Variants in RTN4 observed in about 807,000 individuals in gnomAD.
RTN4 encodes the protein reticulon 4, also known as reticulon-4.
RTN4 carries 32 observed loss-of-function variants against 90.4 expected under a neutral mutation model. The ratio of observed to expected loss-of-function variants is 0.35; its 90% confidence interval spans 0.27 to 0.48. The LOEUF is 0.48. Ranked by LOEUF, RTN4 falls within the 20% of genes least tolerant of loss-of-function variation. RTN4 has a pLI of 0.99. For synonymous variants in RTN4, 629 were observed against 552.5 expected, an observed-to-expected ratio of 1.14 and a Z score of -1.94; for missense variants, 1,706 against 1,430.2, an observed-to-expected ratio of 1.19 and a Z score of -3.11.
At chr2:55,070,748 T>TTG (rs1553450021) in intron 2 of RTN4, among the ~76,000 whole-genome samples, 1 of 149,416 alleles carries the variant, frequency 6.7e-6, no homozygotes, top group South Asian at 2.1e-4. Context: ...TGTTTTGATT[T>TTG]TTGTTGTTGT....
At chr2:55,097,046 T>G (rs977574944) in intron 1 of RTN4, among the ~76,000 whole-genome samples, 6 of 151,610 alleles carry the variant, frequency 4.0e-5, no homozygotes, top group African/African-American at 1.2e-4. Flanking sequence ...ACTAAGATAG[T>G]GATATCTGAG....
chr2:55,002,679 G>A (rs1371898527), intron 3 of RTN4, among the ~76,000 whole-genome samples: 5 of 152,090 alleles, frequency 3.3e-5, no homozygotes, highest in Non-Finnish European at 7.4e-5. Context: ...TCTCTTTACA[G>A]AATAATCCTA....
intron 2 of RTN4, among the ~76,000 whole-genome samples, chr2:55,064,535 G>C (rs11674808): frequency 0.31 from 47,285 of 151,838 alleles, 8,629 homozygotes; most frequent in East Asian, 0.59. Flanking sequence ...ATTTTTAGCA[G>C]AGATGGGGTT....
chr2:55,071,502 A>G (rs2105017139), intron 2 of RTN4, among the ~76,000 whole-genome samples: 1 of 149,542 alleles, frequency 6.7e-6, no homozygotes, highest in African/African-American at 2.5e-5. Context: ...CTAACTACAT[A>G]GAATTTGTGT....
At chr2:55,012,025 T>C (rs751518246) in intron 3 of RTN4, among the ~76,000 whole-genome samples, 1 of 152,160 alleles carries the variant, frequency 6.6e-6, no homozygotes, top group Non-Finnish European at 1.5e-5. Context: ...ATACTGACTT[T>C]CTAATAACAA....
intron 1 of RTN4, among the ~76,000 whole-genome samples, chr2:55,032,279 A>G (rs929648043): frequency 6.6e-6 from 1 of 152,108 alleles, no homozygotes; most frequent in African/African-American, 2.4e-5. Flanking sequence ...GGGGTTCACT[A>G]CGTTGGCCAA....
chr2:54,973,720 C>T lies in RTN4; in HGVS notation c.3478-99G>A, dbSNP rs1468416152. On this transcript the variant is annotated intron_variant, in intron 7 of 8. Coordinates refer to ENST00000337526, the MANE Select transcript of RTN4 (RefSeq NM_020532.5). ...AGGCTTAAGAAACCATCACACTTCT[C>T]ATTTTTGTAAGACATTGAAAATGGG... is the stretch of plus-strand genomic sequence containing the variant. 2.7e-6 allele frequency: 4 copies of T among 1,496,084 alleles called. No homozygotes were observed. In the African/African-American group the frequency reaches 4.2e-5, roughly 16 times the overall value. 92.7% of individuals were successfully genotyped at this position (1,496,084 alleles called of 1,614,324 possible). A position where few individuals can be genotyped will look rare whatever the true frequency, so the allele number is the denominator to read the frequency against.
intron 1 of RTN4, among the ~76,000 whole-genome samples, chr2:55,106,739 C>CA (rs1558882643): frequency 1.3e-5 from 2 of 152,084 alleles, no homozygotes; most frequent in Non-Finnish European, 2.9e-5. Flanking sequence ...AGGCTGGTCT[C>CA]GAACACCTGA....
At chr2:55,063,754 G>A (rs1445310269) in intron 2 of RTN4, among the ~76,000 whole-genome samples, 7 of 151,946 alleles carry the variant, frequency 4.6e-5, no homozygotes, top group East Asian at 3.9e-4. Context: ...GGTGGTGGGC[G>A]CCTGTAGTCC....
chr2:55,070,917 C>A (rs1408242884), intron 2 of RTN4, among the ~76,000 whole-genome samples: 1 of 151,898 alleles, frequency 6.6e-6, no homozygotes, highest in Non-Finnish European at 1.5e-5. Context: ...GCTGGGACTA[C>A]AGGTGCCCAC....
upstream of RTN4, among the ~76,000 whole-genome samples, chr2:55,053,228 T>C (rs1468939781): frequency 1.3e-5 from 2 of 152,208 alleles, no homozygotes; most frequent in Non-Finnish European, 2.9e-5. Flanking sequence ...CTGTTGCTGC[T>C]CTACCACAAT....
chr2:55,114,482 T>C (rs1668089993), upstream of RTN4, among the ~76,000 whole-genome samples: 2 of 152,184 alleles, frequency 1.3e-5, no homozygotes, highest in African/African-American at 4.8e-5. Context: ...GTGGATTACT[T>C]GAGGTCAGGA....
At chr2:55,102,529 GA>G (rs1667869780) in intron 1 of RTN4, among the ~76,000 whole-genome samples, 1 of 151,922 alleles carries the variant, frequency 6.6e-6, no homozygotes, top group African/African-American at 2.4e-5. Flanking sequence ...TTTTTCTTTT[GA>G]TTTTTTTTTA....
intron 2 of RTN4, among the ~76,000 whole-genome samples, chr2:55,067,309 G>C (rs1223547849): frequency 1.3e-5 from 2 of 151,940 alleles, no homozygotes; most frequent in Non-Finnish European, 2.9e-5. Context: ...ACTTTGGAAA[G>C]TACAAAGCAC....
chr2:54,981,693 G>A (rs547142393), intron 5 of RTN4, among the ~76,000 whole-genome samples: 14 of 152,290 alleles, frequency 9.2e-5, no homozygotes, highest in Admixed American at 2.0e-4. Flanking sequence ...CTTATGTAGC[G>A]AGATCCAAAA....
rs11677099 is a variant in RTN4, at chr2:55,027,029, T to A, written c.1070A>T (p.Asp357Val). The change falls in exon 3 of 9, where the codon GAT (aspartate) becomes GTT (valine). Residue 357 changes from aspartate (D) to valine (V), a missense_variant. Asp to Val is a radical substitution (Grantham distance 152). Coordinates refer to ENST00000337526, the MANE Select transcript of RTN4 (RefSeq NM_020532.5). The part of the protein sequence containing the change: ...PTALTKLVKE[D>V]EVVSSEKAKD... ...TGCTTTTTCTGAAGACACAACTTCA[T>A]CCTCTTTAACCAATTTAGTAAGAGC... The A allele has an allele frequency of 0.024, 38,157 of 1,613,542 alleles. 551 individuals are homozygous for A. The highest frequency in any genetic ancestry group is 0.056 in the East Asian group (2,513 of 44,862).
At chr2:55,127,562 A>G in the RTN4 span, among the ~76,000 whole-genome samples, 1 of 152,208 alleles carries the variant, frequency 6.6e-6, no homozygotes, top group Admixed American at 6.6e-5. Context: ...TTCTTAGAGC[A>G]CATACAACCG....
chr2:54,976,998 T>G, intron 5 of RTN4, among the ~76,000 whole-genome samples: 1 of 152,248 alleles, frequency 6.6e-6, no homozygotes, highest in East Asian at 1.9e-4. Context: ...TGGTTTATCT[T>G]TCTTCCAGGG....
At chr2:55,092,902 T>C (rs1177189487) in intron 1 of RTN4, among the ~76,000 whole-genome samples, 1 of 152,194 alleles carries the variant, frequency 6.6e-6, no homozygotes, top group Non-Finnish European at 1.5e-5. Flanking sequence ...TCGCATTTTC[T>C]TCTTCTTCAC....
Sources: allele counts gnomAD v4.1 joint callset (sites outside exome capture counted in the v4.1 genomes callset), GRCh38; gene constraint gnomAD v4.1.1; transcripts MANE v1.5; gene names NCBI Gene and HGNC (gene_info 2026-07-23, HGNC 2026-07-21).